The following SLCO4A1 variants were observed in gnomAD, a reference collection of about 807,000 sequenced individuals.
SLCO4A1 encodes colon organic anion transporter.
SLCO4A1 carries 51 observed loss-of-function variants against 64.6 expected under a neutral mutation model. The ratio of observed to expected loss-of-function variants is 0.79; its 90% confidence interval spans 0.63 to 1.00. SLCO4A1 has a LOEUF of 1.00. Ranked by LOEUF, SLCO4A1 falls within the 50% of genes least tolerant of loss-of-function variation. The probability of loss-of-function intolerance (pLI) is 0.00; values close to 1 mark genes in which losing one functional copy is unlikely to be tolerated. For synonymous variants in SLCO4A1, 471 were observed against 444.9 expected (o/e 1.06, Z -0.74); for missense variants, 919 against 980.5 (o/e 0.94, Z 0.84).
chr20:62,663,919 C>T (rs1409015730), intron 5 of SLCO4A1, among the ~76,000 whole-genome samples: 4 of 152,214 alleles, frequency 2.6e-5, no homozygotes, highest in Admixed American at 1.3e-4. Flanking sequence ...GCATCTTATG[C>T]GCTTAAGCAG....
intron 7 of SLCO4A1, among the ~76,000 whole-genome samples, chr20:62,666,931 G>A (rs1377376436): frequency 2.6e-5 from 4 of 152,216 alleles, no homozygotes; most frequent in Admixed American, 6.5e-5. Context: ...CCCAGGATGT[G>A]CTCCTGGAGT....
intron 2 of SLCO4A1, among the ~76,000 whole-genome samples, chr20:62,680,212 G>C (rs1257338033): frequency 6.6e-6 from 1 of 152,192 alleles, no homozygotes; most frequent in African/African-American, 2.4e-5. Context: ...GTTGAGTCCC[G>C]TGTGCTGACC....
In SLCO4A1 at chr20:62,649,780, C is replaced by T. The variant is rs142892669; in HGVS notation, c.-96-6579C>T. 3.1e-3 allele frequency: 476 copies of T among 152,590 alleles called. 2 individuals carry two copies. Among genetic ancestry groups the T allele is most frequent in the African/African-American group, 0.011 (448 of 41,584 alleles). 9.5% of individuals were successfully genotyped at this position (152,590 alleles called of 1,614,324 possible). A position where few individuals can be genotyped will look rare whatever the true frequency, so the allele number is the denominator to read the frequency against. ...TCCACAACTGCCTTTCAGCCTCACC[C>T]CATCTGCAGACTCCTCATTTGCAGC... On this transcript the variant is annotated intron_variant, in intron 1 of 11. Transcript: ENST00000217159.
At position 62,661,640 on chromosome 20, in the gene SLCO4A1, C is replaced by T. The variant is rs1984928680; in HGVS notation, c.1121+465C>T. On this transcript the variant is annotated intron_variant, in intron 5 of 11. Coordinates refer to ENST00000217159, the MANE Select transcript of SLCO4A1 (RefSeq NM_016354.4). The surrounding 1 kb of genome is among the most constrained non-coding windows in gnomAD (Gnocchi z 5.2). ...TCAGGTGTCACCTGTGCCGTACCCC[C>T]CGGGCCCTGGGATGCTGCCCCCCCA... Among the ~76,000 whole-genome samples, 1 of 151,182 alleles carries T rather than the reference C, an allele frequency of 6.6e-6. No individual in the cohort carries two copies. The highest frequency in any genetic ancestry group is 2.4e-5 in the African/African-American group (1 of 41,126).
chr20:62,688,678 C>T (rs574466350), downstream of SLCO4A1, among the ~76,000 whole-genome samples: 3 of 152,274 alleles, frequency 2.0e-5, no homozygotes, highest in African/African-American at 7.2e-5. Flanking sequence ...GGGATGCATG[C>T]CCCCTGCCAC....
At chr20:62,680,034 C>T (rs760872238) in intron 2 of SLCO4A1, among the ~76,000 whole-genome samples, 27 of 152,164 alleles carry the variant, frequency 1.8e-4, no homozygotes, top group Admixed American at 2.0e-4. Context: ...GAGGAGAGCT[C>T]GTCTTGACAA....
At chr20:62,648,814 A>G (rs1355383632) in intron 1 of SLCO4A1, 3 of 152,318 alleles carry the variant, frequency 2.0e-5, no homozygotes, top group Non-Finnish European at 4.4e-5. Flanking sequence ...CCCACCGGCC[A>G]GGCGGTTCTG....
chr20:62,681,514 TTA>T (rs1987828959), intron 2 of SLCO4A1, among the ~76,000 whole-genome samples: 1 of 108,904 alleles, frequency 9.2e-6, no homozygotes, highest in Non-Finnish European at 1.9e-5. Context: ...GTGCGCGTGT[TTA>T]TTAAGCCGTG....
chr20:62,672,136 A>C lies in SLCO4A1; in HGVS notation c.*243A>C. 1 of 1,400,026 alleles carries C rather than the reference A, an allele frequency of 7.1e-7. No individual in the cohort carries two copies. Among genetic ancestry groups the C allele is most frequent in the Non-Finnish European group, 9.3e-7 (1 of 1,072,824 alleles). The allele number at this position is 1,400,026 out of a possible 1,614,324, so 86.7% of individuals were successfully genotyped here. On this transcript the variant is annotated 3_prime_UTR_variant, in exon 12 of 12. Coordinates refer to ENST00000217159, the MANE Select transcript of SLCO4A1 (RefSeq NM_016354.4). ...GTTTGCATCAGAACGTGTTTATAGA[A>C]TGTGTTTTATACCCGATCGTGTGTG...
At chr20:62,666,614 C>T (rs1214117687) in intron 7 of SLCO4A1, 39 bp downstream of exon 7, 5 of 1,561,182 alleles carry the variant, frequency 3.2e-6, no homozygotes, top group South Asian at 1.1e-5. Context: ...GTCGGGGCCC[C>T]AAGCACCCGC....
chr20:62,654,048 AAAAT>A (rs2147072007), intron 1 of SLCO4A1, among the ~76,000 whole-genome samples: 1 of 152,280 alleles, frequency 6.6e-6, no homozygotes, highest in African/African-American at 2.4e-5. Flanking sequence ...ATAATAAAAA[AAAAT>A]AGTTTATTCC....
intron 1 of SLCO4A1, 139 bp from the exon 2 acceptor site, chr20:62,656,220 C>T: frequency 1.9e-6 from 1 of 516,198 alleles, no homozygotes; most frequent in East Asian, 3.1e-5. Flanking sequence ...CAGACGCCAC[C>T]CTGGATTTGG....
At chr20:62,671,272 G>A (rs1404368294) in intron 11 of SLCO4A1, among the ~76,000 whole-genome samples, 1 of 152,184 alleles carries the variant, frequency 6.6e-6, no homozygotes, top group African/African-American at 2.4e-5. Context: ...TGCAGGTGGG[G>A]GCAGGGCGGG....
At chr20:62,659,028 C>T (rs1407456673) in intron 3 of SLCO4A1, among the ~76,000 whole-genome samples, 1 of 152,236 alleles carries the variant, frequency 6.6e-6, no homozygotes, top group Non-Finnish European at 1.5e-5. Flanking sequence ...GCCCAGCGAG[C>T]CCTGGCCACT....
At chr20:62,643,494 C>G (rs2147050904) in intron 1 of SLCO4A1, among the ~76,000 whole-genome samples, 1 of 152,384 alleles carries the variant, frequency 6.6e-6, no homozygotes, top group East Asian at 1.9e-4. Context: ...GCTTGGCGTG[C>G]AAGGCCCTCT....
chr20:62,667,588 T>C (rs1391447890), intron 7 of SLCO4A1, 157 bp from the exon 8 acceptor site: 1 of 801,322 alleles, frequency 1.2e-6, no homozygotes, highest in East Asian at 2.6e-5. Flanking sequence ...GTGCCCAGTG[T>C]GAGTGCCCAG....
rs773875243 is a variant in SLCO4A1 at position 62,671,749 on chromosome 20, G to C, written c.2026-1G>C. Reference sequence around the variant, plus strand: ...GGTCCAGCGGGCTCCTCTCTCCCCAGGTGCTGGGCGTCCTCTTCTTTGCCA... The same window carrying C: ...GGTCCAGCGGGCTCCTCTCTCCCCACGTGCTGGGCGTCCTCTTCTTTGCCA... On this transcript the variant is annotated splice_acceptor_variant, in intron 11 of 11. Transcript: ENST00000217159. LOFTEE classifies it high-confidence loss of function. 5 of 1,612,512 alleles carry C rather than the reference G, an allele frequency of 3.1e-6. No individual in the cohort carries two copies. In the Admixed American group the frequency reaches 8.3e-5, roughly 27 times the overall value.
At chr20:62,675,709 G>A (rs1264332146), downstream of SLCO4A1, among the ~76,000 whole-genome samples, 1 of 152,188 alleles carries the variant, frequency 6.6e-6, no homozygotes, top group East Asian at 1.9e-4. Flanking sequence ...CAGGCCCCCC[G>A]CTTCTCCGGG....
rs372076508 is a variant in SLCO4A1, at chr20:62,667,829, C to A, written c.1557C>A (p.Cys519Ter). Residue 519 changes from cysteine (C) to a stop codon, truncating the protein, a stop_gained, in exon 8 of 12, where the codon TGC becomes TGA. Coordinates refer to ENST00000217159, the MANE Select transcript of SLCO4A1 (RefSeq NM_016354.4). LOFTEE classifies it high-confidence loss of function. ...AGCCAGAACACTACAGCCCTGTGTG[C>A]GGCTCGGACGGCCTCATGTACTTCT... The part of the protein sequence containing the change: ...SCQPEHYSPV[C>*]GSDGLMYFSL... 6.2e-7 allele frequency: 1 copy of A among 1,613,344 alleles called. No homozygotes were observed. Among genetic ancestry groups the A allele is most frequent in the East Asian group, 2.2e-5 (1 of 44,886 alleles).
Sources: gnomAD v4.1 joint callset for allele counts (sites outside exome capture counted in the v4.1 genomes callset) on GRCh38, gnomAD v4.1.1 for gene constraint, Gnocchi (gnomAD v3.1) non-coding constraint, MANE v1.5 for transcripts, NCBI Gene and HGNC (gene_info 2026-07-23, HGNC 2026-07-21) for gene names.